Variants in CTNNA2 observed in about 807,000 individuals in gnomAD.
The protein encoded by CTNNA2 is catenin alpha-2.
Under a neutral mutation model 101.0 loss-of-function variants are expected in CTNNA2, and 42 were observed. The observed-to-expected ratio is 0.42, with a 90% CI of 0.32 to 0.54. The LOEUF (loss-of-function observed/expected upper bound fraction) is 0.54. Among genes scored for constraint, CTNNA2 ranks in the 20% least tolerant of loss-of-function variants. The probability of loss-of-function intolerance (pLI) is 0.14; values close to 1 mark genes in which losing one functional copy is unlikely to be tolerated. For synonymous variants in CTNNA2, 450 were observed against 456.4 expected, an observed-to-expected ratio of 0.99 and a Z score of 0.18; for missense variants, 871 against 1,223.1, an observed-to-expected ratio of 0.71 and a Z score of 4.29.
At chr2:79,281,767 T>C (rs774732099) in intron 2 of CTNNA2, among the ~76,000 whole-genome samples, 2 of 152,232 alleles carry the variant, frequency 1.3e-5, no homozygotes, top group Non-Finnish European at 2.9e-5. Context: ...TAGCATTTTC[T>C]AGAAACATAA....
chr2:79,721,518 G>A (rs1686489618), intron 2 of CTNNA2, among the ~76,000 whole-genome samples: 1 of 152,132 alleles, frequency 6.6e-6, no homozygotes, highest in Admixed American at 6.5e-5. Context: ...ATGAAATGTG[G>A]GGGACATATT....
intron 1 of CTNNA2, among the ~76,000 whole-genome samples, chr2:79,635,598 G>C (rs1239259359): frequency 6.6e-6 from 1 of 150,904 alleles, no homozygotes; most frequent in East Asian, 2.1e-4. Flanking sequence ...CTGCCTCCCA[G>C]GCTCAAGCAA....
At chr2:80,405,643 G>A (rs191648328) in intron 8 of CTNNA2, among the ~76,000 whole-genome samples, 7 of 152,186 alleles carry the variant, frequency 4.6e-5, no homozygotes, top group South Asian at 2.1e-4. Context: ...CTAATTAATC[G>A]TAAGGGAAAA....
chr2:80,271,711 C>T (rs968892014), intron 7 of CTNNA2, among the ~76,000 whole-genome samples: 6 of 152,236 alleles, frequency 3.9e-5, no homozygotes, highest in Non-Finnish European at 8.8e-5. Flanking sequence ...TGTGAGCCAC[C>T]GTGCCCAGCC....
rs1325024057 is a variant in CTNNA2, at chr2:79,392,751, TG to T, written c.-135+18739del. On this transcript the variant is annotated intron_variant, in intron 4 of 21. Coordinates refer to the CTNNA2 transcript ENST00000466387. ...TGATATCATTTCTCCCCAACTTTCA[TG>T]TTGACTTACATTTCCAACCTGTTTT... is the stretch of plus-strand genomic sequence containing the variant. 3.0e-4 allele frequency among the ~76,000 whole-genome samples: 45 copies of T among 152,346 alleles called. No individual in the cohort carries two copies. The East Asian group carries it at 8.1e-3, about 27-fold the overall frequency.
chr2:79,209,223 C>T (rs558172006), intron 2 of CTNNA2, among the ~76,000 whole-genome samples: 2 of 152,172 alleles, frequency 1.3e-5, no homozygotes, highest in South Asian at 4.2e-4. Context: ...AGAAAAAGCT[C>T]TGTTTCTATA....
In CTNNA2 at chr2:79,583,749, A is replaced by T. The variant is rs116349748; in HGVS notation, c.-5-67803A>T. On this transcript the variant is annotated intron_variant, in intron 1 of 18. Coordinates refer to ENST00000402739, the MANE Select transcript of CTNNA2 (RefSeq NM_001282597.3). ...TTTAATAGGTATGAAGTGGTATCTC[A>T]TAGTTTAATTTGCATTTCCTAATTA... Among the ~76,000 whole-genome samples, 1,033 of 152,212 alleles carry T rather than the reference A, an allele frequency of 6.8e-3. 8 individuals are homozygous for T. The highest frequency in any genetic ancestry group is 0.023 in the African/African-American group (966 of 41,542).
intron 12 of CTNNA2, 110 bp downstream of exon 12, chr2:80,556,003 C>T (rs758729352): frequency 4.6e-5 from 33 of 716,488 alleles, no homozygotes; most frequent in Non-Finnish European, 5.7e-5. Flanking sequence ...CTAAATTGCA[C>T]ATAATTGTGG....
At chr2:79,537,456 TG>T (rs1287183636) in intron 1 of CTNNA2, among the ~76,000 whole-genome samples, 2 of 152,186 alleles carry the variant, frequency 1.3e-5, no homozygotes, top group Non-Finnish European at 2.9e-5. Context: ...GGTCTATGCT[TG>T]GGGTGTTCAT....
chr2:80,645,363 G>A (rs563155099), intron 18 of CTNNA2, among the ~76,000 whole-genome samples: 1 of 152,120 alleles, frequency 6.6e-6, no homozygotes, highest in Admixed American at 6.5e-5. Flanking sequence ...CTACCTGGGG[G>A]TAAGATGGGA....
At chr2:80,490,658 G>A (rs1477171534) in intron 9 of CTNNA2, among the ~76,000 whole-genome samples, 2 of 151,918 alleles carry the variant, frequency 1.3e-5, no homozygotes, top group Non-Finnish European at 2.9e-5. Context: ...TTTGGACAGT[G>A]GTGTAAAGAT....
chr2:79,324,372 T>C (rs1274456689), intron 3 of CTNNA2, among the ~76,000 whole-genome samples: 1 of 152,060 alleles, frequency 6.6e-6, no homozygotes, highest in Admixed American at 6.5e-5. Context: ...AGTTGTCTGG[T>C]ACCAGGCTCC....
At chr2:79,253,109 A>G (rs184099154) in intron 2 of CTNNA2, among the ~76,000 whole-genome samples, 19 of 152,218 alleles carry the variant, frequency 1.2e-4, no homozygotes, top group Non-Finnish European at 1.8e-4. Context: ...CTCTGTCTCA[A>G]TTTCTCAATC....
Position 79,440,250 on chromosome 2 carries a change from G to A in CTNNA2, c.-134-64804G>A, listed in dbSNP as rs925825571. On this transcript the variant is annotated intron_variant, in intron 4 of 21. Transcript: ENST00000466387. ...TGTGGTATCCACTTATGATTTGCTAGTTGAAATGAAGAAGGAAAAGGAAGT... is the reference window on the plus strand; with the variant it reads ...TGTGGTATCCACTTATGATTTGCTAATTGAAATGAAGAAGGAAAAGGAAGT... 5.3e-5 allele frequency among the ~76,000 whole-genome samples: 8 copies of A among 152,178 alleles called. No homozygotes were observed. In the South Asian group the frequency reaches 1.7e-3, roughly 32 times the overall value.
intron 3 of CTNNA2, among the ~76,000 whole-genome samples, chr2:79,798,190 T>C (rs1313831494): frequency 6.6e-6 from 1 of 152,192 alleles, no homozygotes; most frequent in Non-Finnish European, 1.5e-5. Context: ...AATTCTGAAT[T>C]TGTGGCCTAG....
At chr2:79,640,161 A>C (rs1680355386) in intron 1 of CTNNA2, among the ~76,000 whole-genome samples, 1 of 152,200 alleles carries the variant, frequency 6.6e-6, no homozygotes, top group African/African-American at 2.4e-5. Flanking sequence ...TATTTGAATT[A>C]GAATTGACTT....
In CTNNA2 at chr2:80,303,133, G is replaced by A. The variant is rs1676523936; in HGVS notation, c.1057-90078G>A. On this transcript the variant is annotated intron_variant, in intron 7 of 18. Transcript: ENST00000402739. This position sits in a 1 kb window ranked among gnomAD's most constrained non-coding sequence, Gnocchi z 7.7. ...GCGAGTGCAGGGAGATGAGGCGCGG[G>A]AAGTGGGCGAAGTTCACCTTGACCA... 1 of 1,614,126 alleles carries A rather than the reference G, an allele frequency of 6.2e-7. No individual in the cohort carries two copies. Among genetic ancestry groups the A allele is most frequent in the Non-Finnish European group, 8.5e-7 (1 of 1,180,034 alleles).
chr2:79,327,526 C>T (rs189828149), intron 3 of CTNNA2, among the ~76,000 whole-genome samples: 2 of 152,196 alleles, frequency 1.3e-5, no homozygotes, highest in African/African-American at 2.4e-5. Context: ...ATTAGATATC[C>T]AACATACTTA....
chr2:79,394,772 G>A (rs1049310434), intron 4 of CTNNA2, among the ~76,000 whole-genome samples: 10 of 85,094 alleles, frequency 1.2e-4, no homozygotes, highest in East Asian at 5.2e-4. Flanking sequence ...AAGAGCTTTC[G>A]TTTTACTTAA....
Sources: gnomAD v4.1 joint callset for allele counts (sites outside exome capture counted in the v4.1 genomes callset) on GRCh38, gnomAD v4.1.1 for gene constraint, Gnocchi (gnomAD v3.1) non-coding constraint, MANE v1.5 for transcripts, NCBI Gene and HGNC (gene_info 2026-07-23, HGNC 2026-07-21) for gene names.